Variants in DLC1 observed in about 807,000 individuals in gnomAD.
The protein encoded by DLC1 is rho GTPase-activating protein 7.
A neutral mutation model predicts 140.3 loss-of-function variants in DLC1; 54 were observed. The ratio of observed to expected loss-of-function variants is 0.38; its 90% CI spans 0.31 to 0.48. The LOEUF is 0.48. Ranked by LOEUF, DLC1 falls within the 20% of genes least tolerant of loss-of-function variation. DLC1 has a pLI of 0.96. For missense variants in DLC1, 2,536 were observed against 1,907.0 expected (o/e 1.33, Z -6.14); for synonymous variants, 986 against 728.1 (o/e 1.35, Z -5.70).
chr8:13,443,120 T>C (rs1419300507), intron 2 of DLC1, among the ~76,000 whole-genome samples: 2 of 146,522 alleles, frequency 1.4e-5, no homozygotes, highest in Non-Finnish European at 3.0e-5. Context: ...AACCAAACAC[T>C]GCATGTTCTG....
chr8:13,310,275 G>A (rs1434855725), intron 4 of DLC1, among the ~76,000 whole-genome samples: 1 of 152,308 alleles, frequency 6.6e-6, no homozygotes, highest in South Asian at 2.1e-4. Context: ...AGTGTTTGGA[G>A]TACTGTTTAA....
chr8:13,153,130 GCA>G lies in DLC1; in HGVS notation c.1349-37475_1349-37474del, dbSNP rs1436358244. 2.6e-5 allele frequency among the ~76,000 whole-genome samples: 4 copies of G among 152,034 alleles called. No individual in the cohort carries two copies. In the South Asian group the frequency reaches 8.3e-4, roughly 32 times the overall value. On this transcript the variant is annotated intron_variant, in intron 5 of 17. Transcript: ENST00000276297. ...TTCAAGAACGAAGCCGCGGACCCGCGCAGTGAGTGTTACAGATCTTAAAGATG... is the reference window on the plus strand; with the variant it reads ...TTCAAGAACGAAGCCGCGGACCCGCGGTGAGTGTTACAGATCTTAAAGATG...
chr8:13,178,931 A>G (rs1825893893), intron 5 of DLC1, among the ~76,000 whole-genome samples: 1 of 152,228 alleles, frequency 6.6e-6, no homozygotes, highest in African/African-American at 2.4e-5. Flanking sequence ...CAATTTACCA[A>G]ATAGAAATGT....
intron 4 of DLC1, among the ~76,000 whole-genome samples, chr8:13,375,770 T>C (rs1835953066): frequency 6.6e-6 from 1 of 152,196 alleles, no homozygotes; most frequent in African/African-American, 2.4e-5. Context: ...GAATCATTTA[T>C]ATTTGTCAAA....
chr8:13,365,166 C>T (rs1029882273), intron 4 of DLC1, among the ~76,000 whole-genome samples: 1 of 152,162 alleles, frequency 6.6e-6, no homozygotes, highest in African/African-American at 2.4e-5. Flanking sequence ...CTGGACTTTG[C>T]ACAGGTCGAG....
chr8:13,601,162 T>C (rs1022383126), intron 1 of DLC1, among the ~76,000 whole-genome samples: 3 of 151,750 alleles, frequency 2.0e-5, no homozygotes, highest in Admixed American at 1.3e-4. Flanking sequence ...ATACTCAGTC[T>C]GCGGTGTCAA....
chr8:13,566,822 G>C (rs1804449323), intron 1 of DLC1: 8 of 846,858 alleles, frequency 9.4e-6, no homozygotes, highest in Non-Finnish European at 1.4e-5. Flanking sequence ...CAGTCACTGC[G>C]CATGAGCGGC....
chr8:13,465,716 A>T (rs1799900632), intron 2 of DLC1, among the ~76,000 whole-genome samples: 1 of 152,176 alleles, frequency 6.6e-6, no homozygotes, highest in South Asian at 2.1e-4. Context: ...TTCTCTAAAT[A>T]GATTTTCTAA....
rs557217750 is a variant in DLC1, at chr8:13,418,209, T to C, written c.1024-16590A>G. Among the ~76,000 whole-genome samples the C allele has an allele frequency of 1.8e-3, 270 of 152,252 alleles. 1 individual carries two copies. Among genetic ancestry groups the C allele is most frequent in the African/African-American group, 6.3e-3 (262 of 41,552 alleles). ...AGTTTCTTTTGCTGTGCAGAAGCTCTTTAGTTTAATTAGATCCCATTTGTC... is the reference window on the plus strand; with the variant it reads ...AGTTTCTTTTGCTGTGCAGAAGCTCCTTAGTTTAATTAGATCCCATTTGTC... On this transcript the variant is annotated intron_variant, in intron 2 of 17. Coordinates refer to ENST00000276297, the MANE Select transcript of DLC1 (RefSeq NM_182643.3).
At position 13,352,185 on chromosome 8, in the gene DLC1, CAT is replaced by C. The variant is rs752125629; in HGVS notation, c.1314+41366_1314+41367del. On this transcript the variant is annotated intron_variant, in intron 4 of 17. Transcript: ENST00000276297. ...TCATTGTGATCCTTGTTGGCAGCCA[CAT>C]GGTGCACGTGGATGCGCTTGTTCCG... Among the ~76,000 whole-genome samples the C allele has an allele frequency of 1.9e-3, 292 of 152,342 alleles. 1 individual carries two copies. Among genetic ancestry groups the C allele is most frequent in the Non-Finnish European group, 2.6e-3 (178 of 68,040 alleles).
At chr8:13,329,451 G>C (rs1427825346) in intron 4 of DLC1, among the ~76,000 whole-genome samples, 1 of 152,128 alleles carries the variant, frequency 6.6e-6, no homozygotes, top group Non-Finnish European at 1.5e-5. Context: ...GTCATCCCCA[G>C]ACTGGTTTAA....
In DLC1 at chr8:13,297,064, T is replaced by C. The variant is rs572378677; in HGVS notation, c.1348+8205A>G. ...ATCTGTATTTTAAAAATCCTGTGAG[T>C]TCAAGATCTTTGGCATTGAAGAATA... On this transcript the variant is annotated intron_variant, in intron 5 of 17. Transcript: ENST00000276297. Among the ~76,000 whole-genome samples, 7 of 150,832 alleles carry C rather than the reference T, an allele frequency of 4.6e-5. No individual in the cohort carries two copies. In the East Asian group the frequency reaches 9.8e-4, roughly 21 times the overall value.
intron 4 of DLC1, among the ~76,000 whole-genome samples, chr8:13,345,699 AG>A (rs1738808807): frequency 6.6e-6 from 1 of 151,668 alleles, no homozygotes; most frequent in South Asian, 2.1e-4. Context: ...CTGGGATTAC[AG>A]GCACCTGCCA....
Position 13,295,977 on chromosome 8 carries a change from G to A in DLC1, c.1348+9292C>T, listed in dbSNP as rs1831935399. 6.5e-5 allele frequency among the ~76,000 whole-genome samples: 6 copies of A among 92,668 alleles called. No homozygotes were observed. The South Asian group carries it at 2.4e-3, about 37-fold the overall frequency. 60.8% of individuals were successfully genotyped at this position (92,668 alleles called of 152,430 possible). ...TTTTTTTTTTTTTTTTTTGGAGACAGAGTCTCATTCTATTGCCCAGGCTGG... is the reference window on the plus strand; with the variant it reads ...TTTTTTTTTTTTTTTTTTGGAGACAAAGTCTCATTCTATTGCCCAGGCTGG... On this transcript the variant is annotated intron_variant, in intron 5 of 17. Transcript: ENST00000276297.
chr8:13,121,395 T>C (rs1302601376), intron 5 of DLC1, among the ~76,000 whole-genome samples: 2 of 152,124 alleles, frequency 1.3e-5, no homozygotes, highest in Non-Finnish European at 2.9e-5. Context: ...GTGGATACGA[T>C]GGTTTTAATT....
chr8:13,598,354 G>T (rs1341634073), intron 1 of DLC1, among the ~76,000 whole-genome samples: 3 of 151,428 alleles, frequency 2.0e-5, no homozygotes, highest in Non-Finnish European at 4.4e-5. Context: ...CAACAAGGGT[G>T]TCTCTACCTG....
intron 5 of DLC1, among the ~76,000 whole-genome samples, chr8:13,229,083 TAC>T (rs1420357831): frequency 3.9e-5 from 6 of 152,282 alleles, no homozygotes; most frequent in African/African-American, 1.4e-4. Flanking sequence ...TCTAGGTATA[TAC>T]CCAAGAGCAA....
chr8:13,228,294 A>C (rs919910606), intron 5 of DLC1, among the ~76,000 whole-genome samples: 2 of 147,266 alleles, frequency 1.4e-5, no homozygotes, highest in South Asian at 4.4e-4. Flanking sequence ...CCCATTCATA[A>C]AAAAAAAAAA....
At chr8:13,505,041 C>G (rs1354473559) in intron 1 of DLC1, among the ~76,000 whole-genome samples, 2 of 151,904 alleles carry the variant, frequency 1.3e-5, no homozygotes, top group African/African-American at 2.4e-5. Flanking sequence ...ATAATAAAGT[C>G]AAGCAATTTG....
Sources: gnomAD v4.1 joint callset for allele counts (sites outside exome capture counted in the v4.1 genomes callset) on GRCh38, gnomAD v4.1.1 for gene constraint, MANE v1.5 for transcripts, NCBI Gene and HGNC (gene_info 2026-07-23, HGNC 2026-07-21) for gene names.